FAT4: variants seen among roughly 807,000 people sequenced by gnomAD.
FAT4 encodes the protein FAT atypical cadherin 4, also known as protocadherin Fat 4.
A neutral mutation model predicts 303.9 loss-of-function variants in FAT4; 84 were observed. The ratio of observed to expected loss-of-function variants is 0.28; its 90% CI spans 0.23 to 0.33. FAT4 has a LOEUF of 0.33. Among genes scored for constraint, FAT4 ranks in the 10% least tolerant of loss-of-function variants. The probability of loss-of-function intolerance (pLI) is 1.00; values close to 1 mark genes in which losing one functional copy is unlikely to be tolerated. For synonymous variants in FAT4, 2,307 were observed against 2,298.8 expected (o/e 1.00, Z -0.10); for missense variants, 6,005 against 6,146.8 (o/e 0.98, Z 0.77).
At chr4:125,400,739 G>T (rs1187511690) in intron 3 of FAT4, among the ~76,000 whole-genome samples, 1 of 151,702 alleles carries the variant, frequency 6.6e-6, no homozygotes, top group African/African-American at 2.4e-5. Flanking sequence ...AAGTAACCTT[G>T]CAGATGTTAT....
At chr4:125,359,600 T>A (rs554612038) in intron 2 of FAT4, among the ~76,000 whole-genome samples, 2 of 152,162 alleles carry the variant, frequency 1.3e-5, no homozygotes, top group Non-Finnish European at 2.9e-5. Context: ...TATCTTCTAA[T>A]TATCCTTTTA....
At chr4:125,478,406 T>G (rs1386312543) in intron 14 of FAT4, among the ~76,000 whole-genome samples, 3 of 152,216 alleles carry the variant, frequency 2.0e-5, no homozygotes, top group Non-Finnish European at 4.4e-5. Context: ...ATCAATTTTT[T>G]TTTTCATTTA....
rs532128133 is a variant in FAT4, at chr4:125,331,691, C to T, written c.5175+10105C>T. 3.3e-5 allele frequency among the ~76,000 whole-genome samples: 5 copies of T among 152,256 alleles called. No individual in the cohort carries two copies. The East Asian group carries it at 5.8e-4, about 18-fold the overall frequency. ...AGAGCAGATCTTAAGTTATTGTTAT[C>T]GTAAACCATGTTGTTCATCAGAAAA... On this transcript the variant is annotated intron_variant, in intron 2 of 17. Transcript: ENST00000394329.
intron 16 of FAT4, among the ~76,000 whole-genome samples, chr4:125,486,194 T>G (rs1727406208): frequency 6.6e-6 from 1 of 151,794 alleles, no homozygotes; most frequent in Admixed American, 6.6e-5. Flanking sequence ...AAAGTTGCTG[T>G]TTTTACTGTG....
intron 10 of FAT4, among the ~76,000 whole-genome samples, chr4:125,462,012 T>G (rs146721464): frequency 2.6e-4 from 40 of 152,142 alleles, no homozygotes; most frequent in African/African-American, 8.7e-4. Flanking sequence ...TTGTTTATTT[T>G]CATGCCCTTG....
Position 125,481,503 on chromosome 4 carries a change from T to A in FAT4, c.12605-18T>A, listed in dbSNP as rs1391864821. ...CAAATGAATGCATTCATTTTCCCTT[T>A]TTTCCTTTGACTTCCAGCTGTTACT... On this transcript the variant is annotated intron_variant, in intron 15 of 17. Coordinates refer to ENST00000394329, the MANE Select transcript of FAT4 (RefSeq NM_001291303.3). The A allele has an allele frequency of 1.2e-6, 2 of 1,612,200 alleles. No individual in the cohort carries two copies. Among genetic ancestry groups the A allele is most frequent in the African/African-American group, 1.3e-5 (1 of 74,948 alleles).
chr4:125,378,815 T>C (rs1733431051), intron 2 of FAT4, among the ~76,000 whole-genome samples: 1 of 152,218 alleles, frequency 6.6e-6, no homozygotes, highest in Non-Finnish European at 1.5e-5. Context: ...AAATTAAGAA[T>C]AAAAAGAAAA....
chr4:125,338,956 G>C (rs1052737976), intron 2 of FAT4, among the ~76,000 whole-genome samples: 17 of 152,194 alleles, frequency 1.1e-4, no homozygotes, highest in Middle Eastern at 3.4e-3. Flanking sequence ...GGATACTCTA[G>C]TGTACCTTGG....
intron 3 of FAT4, among the ~76,000 whole-genome samples, chr4:125,401,525 A>T (rs1734388242): frequency 6.6e-6 from 1 of 151,850 alleles, no homozygotes; most frequent in Admixed American, 6.6e-5. Context: ...AAAATTATTT[A>T]TATACTTTTC....
chr4:125,450,203 G>A lies in FAT4; in HGVS notation c.9193G>A (p.Asp3065Asn), dbSNP rs1297218840. The change falls in exon 10 of 18, where the codon GAT becomes AAT. Residue 3065 changes from aspartate to asparagine, a missense_variant. Physicochemically the swap from Asp to Asn is conservative, Grantham distance 23. Transcript: ENST00000394329. ...CTTTTTTATCACAGTCACTGCAAAGGATAAGGGAAACCCTCCACTTTCTTC... is the reference window on the plus strand; with the variant it reads ...CTTTTTTATCACAGTCACTGCAAAGAATAAGGGAAACCCTCCACTTTCTTC... ...QNFFITVTAK[D>N]KGNPPLSSQA... 9.9e-6 allele frequency: 16 copies of A among 1,613,684 alleles called. No individual in the cohort carries two copies. Among genetic ancestry groups the A allele is most frequent in the African/African-American group, 1.3e-5 (1 of 74,874 alleles).
At chr4:125,475,083 T>C (rs1726981193) in intron 12 of FAT4, among the ~76,000 whole-genome samples, 1 of 152,114 alleles carries the variant, frequency 6.6e-6, no homozygotes, top group African/African-American at 2.4e-5. Context: ...ATTGTCTGCA[T>C]TGGGAGAAAC....
Position 125,360,099 on chromosome 4 carries a change from T to C in FAT4, c.5175+38513T>C, listed in dbSNP as rs1006249325. On this transcript the variant is annotated intron_variant, in intron 2 of 17. Coordinates refer to ENST00000394329, the MANE Select transcript of FAT4 (RefSeq NM_001291303.3). ...TTTCTCTAGTCTAATCCATCTTATC[T>C]TTTGTTCTTTTCTGTTAATCTATTA... is the stretch of plus-strand genomic sequence containing the variant. Among the ~76,000 whole-genome samples, 85 of 152,296 alleles carry C rather than the reference T, an allele frequency of 5.6e-4. 1 individual carries two copies. The highest frequency in any genetic ancestry group is 1.9e-3 in the African/African-American group (81 of 41,576).
At chr4:125,420,678 T>C (rs980766106) in intron 7 of FAT4, among the ~76,000 whole-genome samples, 1 of 152,180 alleles carries the variant, frequency 6.6e-6, no homozygotes, top group African/African-American at 2.4e-5. Context: ...CAAATTGCAG[T>C]CACATGTAAG....
At position 125,440,295 on chromosome 4, in the gene FAT4, T is replaced by G. The variant is rs1221579265; in HGVS notation, c.7199+5870T>G. Among the ~76,000 whole-genome samples the G allele has an allele frequency of 3.3e-5, 5 of 152,172 alleles. No individual in the cohort carries two copies. In the East Asian group the frequency reaches 9.6e-4, roughly 29 times the overall value. ...ATTCCTGAAAATCTTTAGTCTGATT[T>G]TTTTTTTCCTTCATTGCTTTACTAA... On this transcript the variant is annotated intron_variant, in intron 8 of 17. Transcript: ENST00000394329.
At chr4:125,462,251 A>T (rs1726509207) in intron 10 of FAT4, among the ~76,000 whole-genome samples, 1 of 151,930 alleles carries the variant, frequency 6.6e-6, no homozygotes, top group African/African-American at 2.4e-5. Flanking sequence ...CAAAATTTTG[A>T]CTGTGTTTTA....
chr4:125,417,987 G>A (rs554378489), intron 7 of FAT4, among the ~76,000 whole-genome samples: 1 of 152,228 alleles, frequency 6.6e-6, no homozygotes, highest in African/African-American at 2.4e-5. Flanking sequence ...CTTTTTTCAG[G>A]AGAATGTGAG....
chr4:125,361,755 C>T (rs577011830), intron 2 of FAT4, among the ~76,000 whole-genome samples: 2 of 152,206 alleles, frequency 1.3e-5, no homozygotes, highest in East Asian at 1.9e-4. Context: ...GAAAAGTGGT[C>T]GTTTTATTAC....
chr4:125,335,857 A>T (rs986868767), intron 2 of FAT4, among the ~76,000 whole-genome samples: 1 of 152,244 alleles, frequency 6.6e-6, no homozygotes, highest in East Asian at 1.9e-4. Flanking sequence ...TATCTGTTAA[A>T]AAAAGAGAAT....
In FAT4 at chr4:125,451,476, C is replaced by A; in HGVS notation, c.10466C>A (p.Thr3489Asn). The A allele has an allele frequency of 6.2e-7, 1 of 1,614,062 alleles. No individual in the cohort carries two copies. The highest frequency in any genetic ancestry group is 2.2e-5 in the East Asian group (1 of 44,858). ...NLSVLAVDSG[T>N]PSATGSASLL... ...TCAGTTTTGGCTGTTGATTCAGGGA[C>A]CCCCTCAGCTACAGGTAGTGCCTCT... Residue 3489 changes from threonine to asparagine, a missense_variant, in exon 10 of 18, where the codon ACC (threonine) becomes AAC (asparagine). By Grantham distance (65) the Thr-to-Asn change is moderately conservative. Transcript: ENST00000394329.
Sources: gnomAD v4.1 joint callset for allele counts (sites outside exome capture counted in the v4.1 genomes callset) on GRCh38, gnomAD v4.1.1 for gene constraint, MANE v1.5 for transcripts, NCBI Gene and HGNC (gene_info 2026-07-23, HGNC 2026-07-21) for gene names.